The following QKI variants were observed in gnomAD, a reference collection of about 807,000 sequenced individuals.
QKI encodes the protein QKI, KH domain containing RNA binding, also known as KH domain-containing RNA-binding protein QKI.
QKI carries 10 observed loss-of-function variants against 39.0 expected under a neutral mutation model. That is an observed-to-expected ratio of 0.26 (90% CI 0.16 to 0.43). The LOEUF (loss-of-function observed/expected upper bound fraction) is 0.43. Among genes scored for constraint, QKI ranks in the 20% least tolerant of loss-of-function variants. The pLI, the probability that QKI is intolerant of heterozygous loss-of-function variation, is 1.00. For missense variants in QKI, 218 were observed against 428.0 expected (o/e 0.51, Z 4.33); for synonymous variants, 204 against 155.4 (o/e 1.31, Z -2.33).
rs1283525040 is a variant in QKI, at chr6:163,478,772, T to TC, written c.286-8_286-7insC. The TC allele has an allele frequency of 6.4e-7, 1 of 1,566,710 alleles. No homozygotes were observed. Among genetic ancestry groups the TC allele is most frequent in the African/African-American group, 1.4e-5 (1 of 72,542 alleles). On this transcript the variant is annotated splice_polypyrimidine_tract_variant and splice_region_variant and intron_variant, in intron 2 of 7. Transcript: ENST00000361752. ...TAATGTATAGTGATCCTTTTTTTTT[T>TC]TTCTCAGTTTAATTTTGTTGGGAGA...
chr6:163,542,003 A>C (rs2128243291), intron 4 of QKI, among the ~76,000 whole-genome samples: 1 of 152,020 alleles, frequency 6.6e-6, no homozygotes, highest in African/African-American at 2.4e-5. Flanking sequence ...GTCATTTGCA[A>C]GTTCAATTTG....
intron 3 of QKI, among the ~76,000 whole-genome samples, chr6:163,520,327 C>T (rs1780070723): frequency 6.6e-6 from 1 of 151,898 alleles, no homozygotes; most frequent in Non-Finnish European, 1.5e-5. Context: ...ATCATTATAA[C>T]ACTGGATAAT....
chr6:163,573,687 CT>C lies in QKI; in HGVS notation c.*2981del. On this transcript the variant is annotated 3_prime_UTR_variant, in exon 8 of 8. Transcript: ENST00000361752. ...AGCTAATGAATGAATACATTAGACA[CT>C]TTTGGGTTTTAGTTGGGATTTTACA... 6.6e-6 allele frequency: 1 copy of C among 152,226 alleles called. No individual in the cohort carries two copies. The highest frequency in any genetic ancestry group is 3.4e-3 in the Middle Eastern group (1 of 294). The allele number at this position is 152,226 out of a possible 1,614,324, so 9.4% of individuals were successfully genotyped here.
At chr6:163,562,477 A>T (rs562372501) in intron 5 of QKI, among the ~76,000 whole-genome samples, 1 of 152,288 alleles carries the variant, frequency 6.6e-6, no homozygotes, top group African/African-American at 2.4e-5. Context: ...CCCTCTGTTG[A>T]GTTCTGTCCT....
chr6:163,448,846 T>C (rs547507404), intron 1 of QKI, among the ~76,000 whole-genome samples: 30 of 152,216 alleles, frequency 2.0e-4, no homozygotes, highest in Admixed American at 7.8e-4. Context: ...GAAGTTAAAT[T>C]CCATGGGTGG....
At chr6:163,460,889 T>C (rs1027066468) in intron 2 of QKI, among the ~76,000 whole-genome samples, 1 of 113,808 alleles carries the variant, frequency 8.8e-6, no homozygotes, top group African/African-American at 3.4e-5. Context: ...TGAGTGAAAA[T>C]AATAATGCTT....
chr6:163,478,408 A>G lies in QKI; in HGVS notation c.286-372A>G, dbSNP rs113959855. Among the ~76,000 whole-genome samples, 76 of 152,344 alleles carry G rather than the reference A, an allele frequency of 5.0e-4. 2 individuals carry two copies. Among genetic ancestry groups the G allele is most frequent in the African/African-American group, 8.7e-4 (36 of 41,582 alleles). On this transcript the variant is annotated intron_variant, in intron 2 of 7. Transcript: ENST00000361752. ...GCCTAACAATTTCTTCAACACTGTC[A>G]TGACAAAGAGACAGTTGGACATTTT...
intron 1 of QKI, among the ~76,000 whole-genome samples, chr6:163,432,782 T>C (rs1358990560): frequency 6.6e-6 from 1 of 152,252 alleles, no homozygotes; most frequent in Non-Finnish European, 1.5e-5. Flanking sequence ...GCTAGACTAA[T>C]ATTTAGACAT....
chr6:163,518,060 G>A (rs1779938996), intron 3 of QKI, among the ~76,000 whole-genome samples: 1 of 152,096 alleles, frequency 6.6e-6, no homozygotes, highest in Admixed American at 6.6e-5. Flanking sequence ...AATATTTATT[G>A]TGAAGGAAAG....
intron 3 of QKI, among the ~76,000 whole-genome samples, chr6:163,497,258 C>T (rs754604022): frequency 1.3e-5 from 2 of 151,930 alleles, no homozygotes; most frequent in African/African-American, 4.8e-5. Flanking sequence ...TAGTTTTGTT[C>T]TAGCATTTGT....
rs913413308 is a variant in QKI at position 163,577,206 on chromosome 6, C to G, written c.*6496C>G. On this transcript the variant is annotated 3_prime_UTR_variant, in exon 8 of 8. Coordinates refer to ENST00000361752, the MANE Select transcript of QKI (RefSeq NM_006775.3). The stretch of plus-strand genomic sequence containing the variant: ...TTATTTATATCATCTCCAAGTACCT[C>G]TGGCTCCTTTCCTCTTGCTCACCGG... The G allele has an allele frequency of 3.3e-5, 5 of 152,196 alleles. No individual in the cohort carries two copies. Among genetic ancestry groups the G allele is most frequent in the African/African-American group, 1.2e-4 (5 of 41,440 alleles). The allele number at this position is 152,196 out of a possible 1,614,324, so 9.4% of individuals were successfully genotyped here.
chr6:163,521,176 A>G (rs1229186470), intron 3 of QKI, among the ~76,000 whole-genome samples: 1 of 152,106 alleles, frequency 6.6e-6, no homozygotes, highest in African/African-American at 2.4e-5. Context: ...TGTCATCCGA[A>G]TATCAGCCCA....
intron 3 of QKI, among the ~76,000 whole-genome samples, chr6:163,517,969 G>T (rs550739346): frequency 6.6e-6 from 1 of 152,150 alleles, no homozygotes; most frequent in South Asian, 2.1e-4. Flanking sequence ...TTAGTAAATG[G>T]GTTTACCTGC....
rs1411561823 is a variant in QKI, at chr6:163,576,412, C to T, written c.*5702C>T. The T allele has an allele frequency of 6.6e-6, 1 of 152,136 alleles. No homozygotes were observed. Among genetic ancestry groups the T allele is most frequent in the South Asian group, 2.1e-4 (1 of 4,824 alleles). 9.4% of individuals were successfully genotyped at this position (152,136 alleles called of 1,614,324 possible). A position where few individuals can be genotyped will look rare whatever the true frequency, so the allele number is the denominator to read the frequency against. On this transcript the variant is annotated 3_prime_UTR_variant, in exon 8 of 8. Coordinates refer to ENST00000361752, the MANE Select transcript of QKI (RefSeq NM_006775.3). ...ATTCCACATTATAATGTTGTTGCCT[C>T]TTCTTGGCAAAAGACACCACATTGT...
chr6:163,457,633 A>AC, intron 2 of QKI: 1 of 282,520 alleles, frequency 3.5e-6, no homozygotes, highest in Non-Finnish European at 7.1e-6. Flanking sequence ...TCACTCCTCT[A>AC]ATTTTTTTTT....
In QKI at chr6:163,575,479, T is replaced by A. The variant is rs1783931609; in HGVS notation, c.*4769T>A. 2 of 152,216 alleles carry A rather than the reference T, an allele frequency of 1.3e-5. No individual in the cohort carries two copies. The highest frequency in any genetic ancestry group is 4.8e-5 in the African/African-American group (2 of 41,462). 9.4% of individuals were successfully genotyped at this position (152,216 alleles called of 1,614,324 possible). On this transcript the variant is annotated 3_prime_UTR_variant, in exon 8 of 8. Transcript: ENST00000361752. Reference sequence around the variant, plus strand: ...AGTCAGTTGATTGATTGAAACTATTTGACAAAACAGTTGAAAGCTGAGCTT... The same window carrying A: ...AGTCAGTTGATTGATTGAAACTATTAGACAAAACAGTTGAAAGCTGAGCTT...
chr6:163,535,198 G>A, intron 4 of QKI, 73 bp downstream of exon 4: 1 of 1,407,588 alleles, frequency 7.1e-7, no homozygotes. Context: ...TTATCGTAAT[G>A]TTTATAAGGA....
chr6:163,493,200 G>C (rs1778173727), intron 3 of QKI, among the ~76,000 whole-genome samples: 1 of 144,796 alleles, frequency 6.9e-6, no homozygotes, highest in African/African-American at 2.6e-5. Context: ...GGGCAATCTT[G>C]GCCCACTGCA....
intron 1 of QKI, among the ~76,000 whole-genome samples, chr6:163,438,591 A>T (rs755914290): frequency 6.6e-6 from 1 of 152,214 alleles, no homozygotes; most frequent in African/African-American, 2.4e-5. Context: ...TTATAACACA[A>T]TGGTATTTGT....
Sources: gnomAD v4.1 joint callset for allele counts (sites outside exome capture counted in the v4.1 genomes callset) on GRCh38, gnomAD v4.1.1 for gene constraint, MANE v1.5 for transcripts, NCBI Gene and HGNC (gene_info 2026-07-23, HGNC 2026-07-21) for gene names.